The following COX7A2L variants were observed in gnomAD, a reference collection of about 807,000 sequenced individuals.
COX7A2L encodes cytochrome c oxidase subunit 7A2-like, mitochondrial.
A neutral mutation model predicts 14.2 loss-of-function variants in COX7A2L; 18 were observed. The observed-to-expected ratio is 1.27, with a 90% confidence interval of 0.88 to 1.88. COX7A2L has a LOEUF of 1.88. Ranked by LOEUF, COX7A2L falls within the 40% of genes most tolerant of loss-of-function variation. The pLI, the probability that COX7A2L is intolerant of heterozygous loss-of-function variation, is 0.00. For missense variants in COX7A2L, 179 were observed against 138.8 expected, an observed-to-expected ratio of 1.29 and a Z score of -1.46; for synonymous variants, 65 against 57.4, an observed-to-expected ratio of 1.13 and a Z score of -0.60.
intron 1 of COX7A2L, among the ~76,000 whole-genome samples, chr2:42,367,887 G>A (rs940937505): frequency 2.0e-5 from 3 of 152,210 alleles, no homozygotes; most frequent in Non-Finnish European, 4.4e-5. Flanking sequence ...CAAGGCTACC[G>A]TGTCCTCTTC....
At chr2:42,353,181 G>T in intron 2 of COX7A2L, 31 bp downstream of exon 2, 1 of 1,601,754 alleles carries the variant, frequency 6.2e-7, no homozygotes, top group Non-Finnish European at 8.5e-7. Context: ...TTATTTCACA[G>T]GCTTTTCTGT....
chr2:42,351,237 C>G lies in COX7A2L; in HGVS notation c.327G>C (p.Ser109=). 2 of 1,613,590 alleles carry G rather than the reference C, an allele frequency of 1.2e-6. No individual in the cohort carries two copies. The highest frequency in any genetic ancestry group is 1.7e-6 in the Non-Finnish European group (2 of 1,179,742). Residue 109 remains serine (S), a synonymous_variant, in exon 3 of 3, where the codon TCG becomes TCC. Coordinates refer to ENST00000234301, the MANE Select transcript of COX7A2L (RefSeq NM_004718.4). ...GCCTAACTCATTTGTTTTTGGGCTG[C>G]GAAGCCATGTAGAGGGCGATCAGGC... is the stretch of plus-strand genomic sequence containing the variant. ...IYCLIALYMA[S]QPKNK is the part of the protein sequence containing the mutation.
At chr2:42,335,725 G>A (rs774232768) in intron 2 of COX7A2L, among the ~76,000 whole-genome samples, 59 of 152,214 alleles carry the variant, frequency 3.9e-4, no homozygotes, top group East Asian at 9.6e-4. Flanking sequence ...TGCCATGCTC[G>A]CTTGCTGTAG....
chr2:42,346,733 C>A (rs1028640636), downstream of COX7A2L, among the ~76,000 whole-genome samples: 4 of 151,520 alleles, frequency 2.6e-5, no homozygotes, highest in South Asian at 2.1e-4. Flanking sequence ...GCACTCCAGT[C>A]TGGGCGACGG....
rs1572790668 is a variant in COX7A2L, at chr2:42,351,110, T to G, written c.*109A>C. ...CATCTTCATATCTTCCTATTTTTCT[T>G]GCAAAAATGTTAAGCCATCCAAGTA... On this transcript the variant is annotated 3_prime_UTR_variant, in exon 3 of 3. Coordinates refer to ENST00000234301, the MANE Select transcript of COX7A2L (RefSeq NM_004718.4). 8.2e-7 allele frequency: 1 copy of G among 1,217,382 alleles called. No homozygotes were observed. The highest frequency in any genetic ancestry group is 1.8e-5 in the South Asian group (1 of 54,672). 75.4% of individuals were successfully genotyped at this position (1,217,382 alleles called of 1,614,324 possible).
chr2:42,362,266 G>A (rs1172038396), upstream of COX7A2L, among the ~76,000 whole-genome samples: 1 of 152,144 alleles, frequency 6.6e-6, no homozygotes, highest in South Asian at 2.1e-4. Context: ...TGTGTAAAAG[G>A]AGTATACTAG....
In COX7A2L at chr2:42,342,922, C is replaced by T. The variant is rs773149565; in HGVS notation, c.193-9053G>A. Among the ~76,000 whole-genome samples, 2 of 152,174 alleles carry T rather than the reference C, an allele frequency of 1.3e-5. No homozygotes were observed. Among genetic ancestry groups the T allele is most frequent in the African/African-American group, 2.4e-5 (1 of 41,432 alleles). On this transcript the variant is annotated intron_variant, in intron 2 of 2. Transcript: ENST00000468711. This position sits in a 1 kb window ranked among gnomAD's most constrained non-coding sequence, Gnocchi z 4.9. ...ACACATCCTGCAGCAGTGCCGCACC[C>T]GGGCACCGTGGAGCCACAGAGGTCA...
intron 1 of COX7A2L, among the ~76,000 whole-genome samples, chr2:42,354,484 C>G (rs965193306): frequency 6.6e-6 from 1 of 152,152 alleles, no homozygotes; most frequent in African/African-American, 2.4e-5. Flanking sequence ...TTTCCTTTTA[C>G]AGACAAAGAA....
At chr2:42,362,007 G>A (rs931206505), upstream of COX7A2L, among the ~76,000 whole-genome samples, 2 of 152,188 alleles carry the variant, frequency 1.3e-5, no homozygotes, top group Admixed American at 1.3e-4. Context: ...CAGGTACCAG[G>A]ATGTAAATGT....
upstream of COX7A2L, chr2:42,361,247 C>A: frequency 1.5e-6 from 2 of 1,334,504 alleles, no homozygotes; most frequent in South Asian, 1.3e-5. Flanking sequence ...GGTCCCGAGA[C>A]TCAGCGCAAG....
upstream of COX7A2L, among the ~76,000 whole-genome samples, chr2:42,362,994 T>C (rs1221751326): frequency 2.0e-5 from 3 of 151,318 alleles, no homozygotes; most frequent in Non-Finnish European, 4.4e-5. Flanking sequence ...CCTACCTCAG[T>C]CTCCCGGGTA....
intron 1 of COX7A2L, among the ~76,000 whole-genome samples, chr2:42,357,458 T>G (rs10187553): frequency 0.48 from 72,715 of 151,858 alleles, 17,872 homozygotes; most frequent in East Asian, 0.74. Context: ...ACAAGTACGC[T>G]TCACCATACC....
At chr2:42,335,600 C>A (rs1558624511) in intron 2 of COX7A2L, among the ~76,000 whole-genome samples, 1 of 152,198 alleles carries the variant, frequency 6.6e-6, no homozygotes, top group Non-Finnish European at 1.5e-5. Context: ...TTTCAAAATA[C>A]TAAATTCGAT....
chr2:42,351,894 G>A (rs1472922223), intron 2 of COX7A2L, among the ~76,000 whole-genome samples: 1 of 152,148 alleles, frequency 6.6e-6, no homozygotes. Context: ...GAGGTGGGAG[G>A]ATCGCTTGAG....
chr2:42,345,322 G>A (rs1037320366), downstream of COX7A2L, among the ~76,000 whole-genome samples: 2 of 152,188 alleles, frequency 1.3e-5, no homozygotes, highest in African/African-American at 4.8e-5. Flanking sequence ...GGCGGAGGTT[G>A]CAGTGAGCCG....
upstream of COX7A2L, among the ~76,000 whole-genome samples, chr2:42,362,399 C>A (rs544890076): frequency 5.3e-5 from 8 of 152,296 alleles, no homozygotes; most frequent in African/African-American, 1.4e-4. Flanking sequence ...TGATACTAAC[C>A]TATATATAGC....
chr2:42,337,694 G>A (rs1670311507), intron 2 of COX7A2L, among the ~76,000 whole-genome samples: 2 of 151,446 alleles, frequency 1.3e-5, no homozygotes, highest in South Asian at 4.1e-4. Flanking sequence ...CAGAGGGAAG[G>A]GTTCATGGGA....
intron 1 of COX7A2L, among the ~76,000 whole-genome samples, chr2:42,356,721 T>C (rs762219087): frequency 6.6e-6 from 1 of 151,550 alleles, no homozygotes; most frequent in Non-Finnish European, 1.5e-5. Context: ...GACTCAGGAG[T>C]TTGAGATCAT....
rs1387583117 is a variant in COX7A2L at position 42,342,856 on chromosome 2, C to G, written c.193-8987G>C. 6.6e-6 allele frequency among the ~76,000 whole-genome samples: 1 copy of G among 152,140 alleles called. No individual in the cohort carries two copies. The highest frequency in any genetic ancestry group is 1.5e-5 in the Non-Finnish European group (1 of 68,024). Reference sequence around the variant, plus strand: ...AAGTCAGCTCCAGCAGTCTTGGGACCCTGGGCAAGCAGCATCTGGGCCCCC... The same window carrying G: ...AAGTCAGCTCCAGCAGTCTTGGGACGCTGGGCAAGCAGCATCTGGGCCCCC... On this transcript the variant is annotated intron_variant, in intron 2 of 2. Transcript: ENST00000468711. This position sits in a 1 kb window ranked among gnomAD's most constrained non-coding sequence, Gnocchi z 4.9.
Sources: allele counts gnomAD v4.1 joint callset (sites outside exome capture counted in the v4.1 genomes callset), GRCh38; gene constraint gnomAD v4.1.1; non-coding constraint Gnocchi (gnomAD v3.1); transcripts MANE v1.5; gene names NCBI Gene and HGNC (gene_info 2026-07-23, HGNC 2026-07-21).